The following SERGEF variants were observed in gnomAD, a reference collection of about 807,000 sequenced individuals.
SERGEF encodes secretion-regulating guanine nucleotide exchange factor.
In SERGEF, 51 loss-of-function variants were observed where a neutral mutation model predicts 50.0. The ratio of observed to expected loss-of-function variants is 1.02; its 90% CI spans 0.81 to 1.29. SERGEF has a LOEUF of 1.29. Ranked by LOEUF, SERGEF falls within the 50% of genes most tolerant of loss-of-function variation. The probability of loss-of-function intolerance (pLI) is 0.00; values close to 1 mark genes in which losing one functional copy is unlikely to be tolerated. For synonymous variants in SERGEF, 205 were observed against 212.4 expected (o/e 0.97, Z 0.30); for missense variants, 521 against 557.0 (o/e 0.94, Z 0.65).
intron 10 of SERGEF, among the ~76,000 whole-genome samples, chr11:17,795,307 C>T (rs780268109): frequency 6.6e-6 from 1 of 152,142 alleles, no homozygotes; most frequent in Non-Finnish European, 1.5e-5. Flanking sequence ...TCCCTAGGGT[C>T]CTGCTGTGAG....
chr11:17,909,582 G>C (rs1851910752), intron 9 of SERGEF, among the ~76,000 whole-genome samples: 1 of 152,194 alleles, frequency 6.6e-6, no homozygotes, highest in Non-Finnish European at 1.5e-5. Flanking sequence ...GTAACTATCA[G>C]AATATAGATG....
chr11:17,843,179 G>T (rs1037902644), intron 10 of SERGEF, among the ~76,000 whole-genome samples: 1 of 152,038 alleles, frequency 6.6e-6, no homozygotes, highest in Non-Finnish European at 1.5e-5. Flanking sequence ...AAGATGCCTG[G>T]GCCTCAGTGA....
At chr11:17,912,179 G>C (rs961441762) in intron 9 of SERGEF, among the ~76,000 whole-genome samples, 4 of 152,136 alleles carry the variant, frequency 2.6e-5, no homozygotes, top group Non-Finnish European at 5.9e-5. Flanking sequence ...AGAGAAGATG[G>C]TGAAGGAGAC....
intron 5 of SERGEF, among the ~76,000 whole-genome samples, chr11:17,998,432 C>T (rs1363920029): frequency 1.8e-5 from 1 of 55,884 alleles, no homozygotes; most frequent in Admixed American, 2.0e-4. Context: ...TACATACATA[C>T]ATACATACAT....
intron 10 of SERGEF, among the ~76,000 whole-genome samples, chr11:17,843,289 C>A (rs1456506915): frequency 6.6e-6 from 1 of 152,116 alleles, no homozygotes; most frequent in African/African-American, 2.4e-5. Context: ...GTCTTCCTCC[C>A]TCCTTTTACT....
chr11:18,008,400 C>T (rs1294406974), intron 1 of SERGEF, among the ~76,000 whole-genome samples: 1 of 152,166 alleles, frequency 6.6e-6, no homozygotes, highest in Non-Finnish European at 1.5e-5. Flanking sequence ...CCTAGGTAGG[C>T]ACCCTGGCAG....
At chr11:17,814,764 A>G (rs1427814711) in intron 10 of SERGEF, among the ~76,000 whole-genome samples, 1 of 152,246 alleles carries the variant, frequency 6.6e-6, no homozygotes, top group African/African-American at 2.4e-5. Context: ...ATTCCTGGCC[A>G]AAGCAAATAA....
chr11:17,841,062 T>C (rs1850492719), intron 10 of SERGEF, among the ~76,000 whole-genome samples: 1 of 152,180 alleles, frequency 6.6e-6, no homozygotes, highest in Non-Finnish European at 1.5e-5. Flanking sequence ...GAATTCTCCC[T>C]TTTCAGGATA....
chr11:17,995,759 AAG>A, intron 6 of SERGEF, 35 bp downstream of exon 6: 2 of 1,402,758 alleles, frequency 1.4e-6, no homozygotes, highest in Non-Finnish European at 2.0e-6. Flanking sequence ...CTTCCTGACA[AAG>A]AACAAATATA....
chr11:17,966,579 G>T (rs947181265), intron 8 of SERGEF, among the ~76,000 whole-genome samples: 2 of 152,114 alleles, frequency 1.3e-5, no homozygotes, highest in Non-Finnish European at 1.5e-5. Flanking sequence ...TCTGACCACT[G>T]TCCAAAAATA....
chr11:17,916,306 T>C (rs1852047330), intron 9 of SERGEF, among the ~76,000 whole-genome samples: 1 of 152,182 alleles, frequency 6.6e-6, no homozygotes, highest in Non-Finnish European at 1.5e-5. Flanking sequence ...TTCTGAATCA[T>C]CAAAGGAAAA....
chr11:17,862,856 T>C (rs1003900247), intron 10 of SERGEF, among the ~76,000 whole-genome samples: 5 of 152,214 alleles, frequency 3.3e-5, no homozygotes, highest in Non-Finnish European at 7.3e-5. Context: ...GGTTGTCCCC[T>C]AGTTGCTATG....
chr11:18,012,924 C>T (rs769810062), intron 1 of SERGEF, 27 bp downstream of exon 1: 8 of 1,523,282 alleles, frequency 5.3e-6, no homozygotes, highest in Non-Finnish European at 7.0e-6. Flanking sequence ...TCAGGGCCTG[C>T]ACCGGCCCGG....
intron 10 of SERGEF, among the ~76,000 whole-genome samples, chr11:17,816,029 C>A (rs186414506): frequency 1.3e-5 from 2 of 152,270 alleles, no homozygotes; most frequent in African/African-American, 4.8e-5. Context: ...CAAATCCAGG[C>A]TATAGATTGT....
intron 9 of SERGEF, among the ~76,000 whole-genome samples, chr11:17,927,747 A>G (rs1379799256): frequency 6.6e-6 from 1 of 152,248 alleles, no homozygotes; most frequent in Non-Finnish European, 1.5e-5. Flanking sequence ...AAGTAGCCCT[A>G]CTGACTCAGA....
At chr11:17,907,618 C>T (rs1007736129) in intron 9 of SERGEF, among the ~76,000 whole-genome samples, 1 of 152,208 alleles carries the variant, frequency 6.6e-6, no homozygotes, top group Admixed American at 6.5e-5. Flanking sequence ...CCAGGTACCA[C>T]TCTTGGAGGA....
rs11024426 is a variant in SERGEF at position 17,897,264 on chromosome 11, C to G, written c.1012-19020G>C. On this transcript the variant is annotated intron_variant, in intron 9 of 10. Transcript: ENST00000265965. ...TCCTATAATCTCAAAGAACTGACAT[C>G]TCCCAACAATCTGAACAAGCTTAGA... 4.2e-4 allele frequency among the ~76,000 whole-genome samples: 64 copies of G among 152,330 alleles called. No individual in the cohort carries two copies. The East Asian group carries it at 6.0e-3, about 14-fold the overall frequency.
intron 10 of SERGEF, among the ~76,000 whole-genome samples, chr11:17,838,683 T>C (rs563869391): frequency 5.5e-4 from 84 of 152,268 alleles, no homozygotes; most frequent in African/African-American, 1.9e-3. Flanking sequence ...AAACCGATAA[T>C]AATAAAACCC....
intron 9 of SERGEF, among the ~76,000 whole-genome samples, chr11:17,935,515 T>C (rs1247514094): frequency 6.6e-6 from 1 of 152,070 alleles, no homozygotes; most frequent in Non-Finnish European, 1.5e-5. Flanking sequence ...TATAGAATCA[T>C]GTAATTTTAG....
Sources: allele counts gnomAD v4.1 joint callset (sites outside exome capture counted in the v4.1 genomes callset), GRCh38; gene constraint gnomAD v4.1.1; transcripts MANE v1.5; gene names NCBI Gene and HGNC (gene_info 2026-07-23, HGNC 2026-07-21).